SYT3: variants seen among roughly 807,000 people sequenced by gnomAD.
SYT3 encodes the protein synaptotagmin 3, also known as synaptotagmin-3.
SYT3 carries 25 observed loss-of-function variants against 50.6 expected under a neutral mutation model. The ratio of observed to expected loss-of-function variants is 0.49; its 90% CI spans 0.36 to 0.69. SYT3 has a LOEUF of 0.69. SYT3 is among the 30% of genes least tolerant of loss of function. The pLI is 0.00. For synonymous variants in SYT3, 323 were observed against 353.9 expected, an observed-to-expected ratio of 0.91 and a Z score of 0.98; for missense variants, 589 against 793.6, an observed-to-expected ratio of 0.74 and a Z score of 3.10.
At chr19:50,656,123 G>A in the SYT3 span, 7 of 1,535,994 alleles carry the variant, frequency 4.6e-6, no homozygotes, top group Non-Finnish European at 5.2e-6. Flanking sequence ...TCAAATCCTC[G>A]TGAGTTGTCC....
the SYT3 span, among the ~76,000 whole-genome samples, chr19:50,651,357 C>A: frequency 6.6e-6 from 1 of 152,324 alleles, no homozygotes; most frequent in South Asian, 2.1e-4. Context: ...TAAATACCTT[C>A]TTATTCTTTA....
chr19:50,656,068 T>C, the SYT3 span: 1 of 1,536,154 alleles, frequency 6.5e-7, no homozygotes, highest in East Asian at 2.4e-5. Context: ...CTTATGGACC[T>C]GGAGACCCCA....
At chr19:50,647,892 T>C in the SYT3 span, among the ~76,000 whole-genome samples, 3 of 152,054 alleles carry the variant, frequency 2.0e-5, no homozygotes, top group African/African-American at 7.2e-5. Context: ...GAAGACAGCT[T>C]GATGGGAGAG....
chr19:50,644,157 G>C (rs1984724434), upstream of SYT3, among the ~76,000 whole-genome samples: 1 of 152,226 alleles, frequency 6.6e-6, no homozygotes, highest in African/African-American at 2.4e-5. Context: ...ATACTTATTG[G>C]TTGGTTGAAT....
At chr19:50,641,045 C>A (rs992713109), upstream of SYT3, among the ~76,000 whole-genome samples, 1 of 152,064 alleles carries the variant, frequency 6.6e-6, no homozygotes, top group Non-Finnish European at 1.5e-5. Flanking sequence ...GTAGGAGACT[C>A]CATCTCTACA....
At chr19:50,649,111 GA>G in the SYT3 span, among the ~76,000 whole-genome samples, 2 of 150,160 alleles carry the variant, frequency 1.3e-5, no homozygotes, top group African/African-American at 2.5e-5. Context: ...CGTGGGGACA[GA>G]GGGGAGGAGG....
intron 9 of SYT3, among the ~76,000 whole-genome samples, chr19:50,624,575 C>T (rs573114179): frequency 1.5e-4 from 19 of 130,840 alleles, no homozygotes; most frequent in Non-Finnish European, 1.9e-4. Context: ...TTTTTTGAGA[C>T]AGAGTCTTGC....
At position 50,625,951 on chromosome 19, in the gene SYT3, C is replaced by T. The variant is rs982169965; in HGVS notation, c.1348G>A (p.Val450Met). The change falls in exon 7 of 11, where the codon GTG becomes ATG. Residue 450 changes from valine (V) to methionine (M), a missense_variant. Physicochemically the swap from Val to Met is conservative, Grantham distance 21. This residue lies in a region of SYT3 where 273 missense variants were observed against 439.3 expected (regional missense o/e 0.62). Coordinates refer to ENST00000600079, the MANE Select transcript of SYT3 (RefSeq NM_001160329.2). This position sits in a 1 kb window ranked among gnomAD's most constrained non-coding sequence, Gnocchi z 7.5. ...CYLPTAGRLT[V>M]TIIKASNLKA... The stretch of plus-strand genomic sequence containing the variant: ...AGGTTAGAGGCTTTGATGATGGTCA[C>T]GGTGAGGCGCCCGGCCGTGGGGAGG... The T allele has an allele frequency of 6.2e-6, 10 of 1,614,018 alleles. No individual in the cohort carries two copies. The highest frequency in any genetic ancestry group is 4.0e-5 in the African/African-American group (3 of 74,926).
rs572310731 is a variant in SYT3, at chr19:50,626,090, C to A, written c.1282-73G>T. 5 of 1,545,774 alleles carry A rather than the reference C, an allele frequency of 3.2e-6. 1 individual carries two copies. The highest frequency in any genetic ancestry group is 1.2e-5 in the South Asian group (1 of 82,942). On this transcript the variant is annotated intron_variant, in intron 6 of 10. Transcript: ENST00000600079. Reference sequence around the variant, plus strand: ...AACTCTCCCTGATTTTCTCTCCGGTCGGAGCCTCCTGCTTTACACCCTGAC... The same window carrying A: ...AACTCTCCCTGATTTTCTCTCCGGTAGGAGCCTCCTGCTTTACACCCTGAC...
At chr19:50,649,502 A>C in the SYT3 span, 1 of 1,536,212 alleles carries the variant, frequency 6.5e-7, no homozygotes, top group South Asian at 1.2e-5. Flanking sequence ...CACCATGCAC[A>C]GGAAGGCAGG....
rs1015948821 is a variant in SYT3 at position 50,629,780 on chromosome 19, G to A, written c.1062+4C>T. ...AACCCGGTGTCCAGCCCGCTGCTCC[G>A]GACCTTGGTCTGAAACTTTTTCTTG... On this transcript the variant is annotated splice_donor_region_variant and intron_variant, in intron 5 of 10. Transcript: ENST00000600079. 1.2e-6 allele frequency: 2 copies of A among 1,609,094 alleles called. No homozygotes were observed. The highest frequency in any genetic ancestry group is 1.7e-6 in the Non-Finnish European group (2 of 1,177,492).
At chr19:50,638,886 G>A (rs915644912) in intron 2 of SYT3, 139 bp downstream of exon 2, 1 of 152,760 alleles carries the variant, frequency 6.5e-6, no homozygotes, top group East Asian at 1.9e-4. Context: ...AGTGACACAT[G>A]GCTCGGAGCC....
intron 9 of SYT3, among the ~76,000 whole-genome samples, chr19:50,624,095 A>T (rs1020836712): frequency 4.0e-5 from 6 of 151,720 alleles, no homozygotes; most frequent in Non-Finnish European, 7.4e-5. Flanking sequence ...CCTGAGTAGC[A>T]GGGACTATAA....
At position 50,632,484 on chromosome 19, in the gene SYT3, G is replaced by T. The variant is rs1984346735; in HGVS notation, c.476C>A (p.Pro159His). 6.2e-7 allele frequency: 1 copy of T among 1,612,864 alleles called. No homozygotes were observed. Among genetic ancestry groups the T allele is most frequent in the South Asian group, 1.1e-5 (1 of 91,066 alleles). ...GSLGGSDTPE[P>H]SYLDMDSYPE... ...ATACGAGTCCATGTCCAAGTAGGAG[G>T]GCTCAGGGGTGTCAGAACCCCCCAG... Residue 159 changes from proline (P) to histidine (H), a missense_variant, in exon 4 of 11, where the codon CCC becomes CAC. Physicochemically the swap from Pro to His is moderately conservative, Grantham distance 77 (BLOSUM62 -2). This residue lies in a region of SYT3 where 316 missense variants were observed against 354.3 expected (regional missense o/e 0.89). Coordinates refer to ENST00000600079, the MANE Select transcript of SYT3 (RefSeq NM_001160329.2). The surrounding 1 kb of genome is among the most constrained non-coding windows in gnomAD (Gnocchi z 4.7).
intron 4 of SYT3, among the ~76,000 whole-genome samples, chr19:50,630,820 T>G (rs927210156): frequency 7.2e-5 from 11 of 152,144 alleles, no homozygotes; most frequent in African/African-American, 2.7e-4. Context: ...CCCAGGATGC[T>G]TCTCCATGGA....
At chr19:50,648,871 G>T in the SYT3 span, among the ~76,000 whole-genome samples, 58 of 152,166 alleles carry the variant, frequency 3.8e-4, 1 homozygote, top group African/African-American at 3.9e-4. Flanking sequence ...GGGCCTCAAG[G>T]GGGCAGTGGA....
At chr19:50,651,421 G>A in the SYT3 span, among the ~76,000 whole-genome samples, 3 of 151,842 alleles carry the variant, frequency 2.0e-5, no homozygotes, top group East Asian at 3.9e-4. Flanking sequence ...CCCCTAGACC[G>A]GGAGACTGGG....
chr19:50,646,184 G>A, the SYT3 span, among the ~76,000 whole-genome samples: 1 of 152,132 alleles, frequency 6.6e-6, no homozygotes, highest in Non-Finnish European at 1.5e-5. Context: ...ATTTGGGGGT[G>A]CTGCTGTACC....
Position 50,629,469 on chromosome 19 carries a change from T to A in SYT3, c.1106A>T (p.Gln369Leu). The A allele has an allele frequency of 6.2e-7, 1 of 1,613,962 alleles. No individual in the cohort carries two copies. Among genetic ancestry groups the A allele is most frequent in the Non-Finnish European group, 8.5e-7 (1 of 1,179,940 alleles). The change falls in exon 6 of 11, where the codon CAA (glutamine) becomes CTA (leucine). Residue 369 changes from glutamine to leucine, a missense_variant. Gln to Leu is a moderately radical substitution (Grantham distance 113). This residue lies in a region of SYT3 where 273 missense variants were observed against 439.3 expected (regional missense o/e 0.62). Coordinates refer to ENST00000600079, the MANE Select transcript of SYT3 (RefSeq NM_001160329.2). ...TLNPVFNETF[Q>L]FSVPLAELAQ... ...CAGCTCGGCCAGGGGCACCGAGAAT[T>A]GAAACGTCTCATTGAAGACGGGGTT...
Sources: allele counts gnomAD v4.1 joint callset (sites outside exome capture counted in the v4.1 genomes callset), GRCh38; gene constraint gnomAD v4.1.1; regional missense constraint gnomAD v4.1.1; non-coding constraint Gnocchi (gnomAD v3.1); transcripts MANE v1.5; gene names NCBI Gene and HGNC (gene_info 2026-07-23, HGNC 2026-07-21).